The following NDST3 variants were observed in gnomAD, a reference collection of about 807,000 sequenced individuals.
The protein encoded by NDST3 is bifunctional heparan sulfate N-deacetylase/N-sulfotransferase 3.
Under a neutral mutation model 96.1 loss-of-function variants are expected in NDST3, and 58 were observed. The observed-to-expected ratio is 0.60, with a 90% confidence interval of 0.49 to 0.75. The LOEUF is 0.75. NDST3 is among the 30% of genes least tolerant of loss of function. The pLI, the probability that NDST3 is intolerant of heterozygous loss-of-function variation, is 0.00. For missense variants in NDST3, 788 were observed against 1,034.2 expected (o/e 0.76, Z 3.27); for synonymous variants, 333 against 359.7 (o/e 0.93, Z 0.84).
intron 4 of NDST3, among the ~76,000 whole-genome samples, chr4:118,119,412 T>A (rs1731368944): frequency 1.3e-5 from 2 of 152,218 alleles, no homozygotes; most frequent in South Asian, 4.1e-4. Context: ...TGATGCACTT[T>A]ATAAAAAGGC....
chr4:118,126,091 C>G (rs1732037540), intron 4 of NDST3, among the ~76,000 whole-genome samples: 1 of 151,966 alleles, frequency 6.6e-6, no homozygotes, highest in African/African-American at 2.4e-5. Context: ...TGGTGTAGCC[C>G]ATCAGTGTCA....
intron 2 of NDST3, among the ~76,000 whole-genome samples, chr4:118,066,066 A>G (rs1166572546): frequency 1.2e-4 from 14 of 116,888 alleles, no homozygotes; most frequent in African/African-American, 4.6e-4. Flanking sequence ...TAAAATATAT[A>G]TTTTATATAT....
At chr4:118,085,625 C>CATTGTTGGGTAACAACAATGAAT (rs768944889) in intron 2 of NDST3, among the ~76,000 whole-genome samples, 60 of 152,268 alleles carry the variant, frequency 3.9e-4, no homozygotes, top group African/African-American at 1.3e-3. Flanking sequence ...ACTCTCGTTT[C>CATTGTTGGGTAACAACAATGAAT]ATTGTTGGGT....
intron 6 of NDST3, among the ~76,000 whole-genome samples, chr4:118,166,070 G>C (rs949078228): frequency 6.6e-6 from 1 of 151,264 alleles, no homozygotes; most frequent in South Asian, 2.1e-4. Flanking sequence ...ATAAAGATTA[G>C]AGCAAAAATA....
intron 6 of NDST3, among the ~76,000 whole-genome samples, chr4:118,190,326 A>T (rs1737226138): frequency 6.6e-6 from 1 of 152,194 alleles, no homozygotes; most frequent in African/African-American, 2.4e-5. Flanking sequence ...TGTACAATAT[A>T]AAAAAAGTCA....
At chr4:118,137,225 A>C (rs1578708020) in intron 4 of NDST3, among the ~76,000 whole-genome samples, 1 of 152,230 alleles carries the variant, frequency 6.6e-6, no homozygotes, top group African/African-American at 2.4e-5. Flanking sequence ...CAATTGAAAA[A>C]TATAAACAGA....
chr4:118,130,810 T>C (rs1732547699), intron 4 of NDST3, among the ~76,000 whole-genome samples: 1 of 152,182 alleles, frequency 6.6e-6, no homozygotes, highest in Non-Finnish European at 1.5e-5. Flanking sequence ...TTATTTCTCC[T>C]TCATGCTTGA....
chr4:118,145,680 T>G lies in NDST3; in HGVS notation c.1539+1996T>G, dbSNP rs529950889. 4.6e-5 allele frequency among the ~76,000 whole-genome samples: 7 copies of G among 152,346 alleles called. No individual in the cohort carries two copies. In the East Asian group the frequency reaches 1.4e-3, roughly 29 times the overall value. ...TTTTCAGGCCTTTATGAATGATATT[T>G]GGCAATTTTATGTCTTGAGGAGGAG... On this transcript the variant is annotated intron_variant, in intron 6 of 13. Transcript: ENST00000296499.
intron 6 of NDST3, among the ~76,000 whole-genome samples, chr4:118,183,952 C>T (rs1271497277): frequency 6.6e-6 from 1 of 152,214 alleles, no homozygotes; most frequent in Non-Finnish European, 1.5e-5. Flanking sequence ...CCACGGGGCA[C>T]TCACTCAAAT....
At chr4:118,215,339 C>T (rs557688078) in intron 6 of NDST3, among the ~76,000 whole-genome samples, 2 of 152,200 alleles carry the variant, frequency 1.3e-5, no homozygotes, top group South Asian at 4.1e-4. Context: ...GTGTGGTCAA[C>T]CATGTTCAAT....
At chr4:118,255,257 G>A (rs1273524406) in intron 13 of NDST3, among the ~76,000 whole-genome samples, 1 of 152,120 alleles carries the variant, frequency 6.6e-6, no homozygotes, top group Non-Finnish European at 1.5e-5. Context: ...TCCATATTGG[G>A]TTTATTTAAG....
chr4:118,039,339 A>C (rs1344279636), intron 1 of NDST3, among the ~76,000 whole-genome samples: 1 of 152,194 alleles, frequency 6.6e-6, no homozygotes, highest in Non-Finnish European at 1.5e-5. Context: ...TGTTCATAGA[A>C]GATGGTTTGA....
chr4:118,058,073 T>C (rs1725576748), intron 2 of NDST3, among the ~76,000 whole-genome samples: 1 of 127,328 alleles, frequency 7.9e-6, no homozygotes, highest in Non-Finnish European at 1.7e-5. Context: ...TCAATTATTT[T>C]ATTTAATTAT....
At chr4:118,068,124 G>C (rs1726746918) in intron 2 of NDST3, among the ~76,000 whole-genome samples, 1 of 148,850 alleles carries the variant, frequency 6.7e-6, no homozygotes, top group South Asian at 2.1e-4. Context: ...TAATCCTTCT[G>C]GTCACTTACA....
intron 8 of NDST3, among the ~76,000 whole-genome samples, chr4:118,227,607 C>CTTTTTTT (rs67330081): frequency 1.9e-5 from 2 of 106,130 alleles, no homozygotes; most frequent in African/African-American, 3.4e-5. Context: ...TCACCATAAA[C>CTTTTTTT]TTTTTTTTTT....
At chr4:118,076,433 G>C (rs1339871877) in intron 2 of NDST3, among the ~76,000 whole-genome samples, 1 of 151,090 alleles carries the variant, frequency 6.6e-6, no homozygotes, top group East Asian at 2.0e-4. Flanking sequence ...GAATGCCAGC[G>C]AGTCACAGAT....
chr4:118,253,720 C>A, intron 13 of NDST3, 119 bp downstream of exon 13: 1 of 665,694 alleles, frequency 1.5e-6, no homozygotes, highest in Non-Finnish European at 2.5e-6. Flanking sequence ...TTAAAAGTGC[C>A]ATTTCAATTT....
At chr4:118,040,122 G>A (rs371900080) in intron 1 of NDST3, among the ~76,000 whole-genome samples, 3 of 152,142 alleles carry the variant, frequency 2.0e-5, no homozygotes, top group Non-Finnish European at 2.9e-5. Context: ...TGGTTTTAGC[G>A]GAAAGATCAT....
intron 6 of NDST3, among the ~76,000 whole-genome samples, chr4:118,158,734 T>A (rs1006414705): frequency 2.0e-5 from 3 of 152,196 alleles, no homozygotes; most frequent in Non-Finnish European, 2.9e-5. Flanking sequence ...AGACTTAACA[T>A]CACCAAAGGT....
Sources: allele counts gnomAD v4.1 joint callset (sites outside exome capture counted in the v4.1 genomes callset), GRCh38; gene constraint gnomAD v4.1.1; transcripts MANE v1.5; gene names NCBI Gene and HGNC (gene_info 2026-07-23, HGNC 2026-07-21).